The following SLC7A14 variants were observed in gnomAD, a reference collection of about 807,000 sequenced individuals.
The protein encoded by SLC7A14 is gamma-aminobutyric acid transporter SLC7A14.
Under a neutral mutation model 60.2 loss-of-function variants are expected in SLC7A14, and 37 were observed. The ratio of observed to expected loss-of-function variants is 0.61; its 90% confidence interval spans 0.47 to 0.81. The LOEUF (loss-of-function observed/expected upper bound fraction) is 0.81, where lower values mean the gene tolerates loss of function less well. SLC7A14 is among the 30% of genes least tolerant of loss of function. The probability of loss-of-function intolerance (pLI) is 0.00; values close to 1 mark genes in which losing one functional copy is unlikely to be tolerated. For synonymous variants in SLC7A14, 399 were observed against 395.8 expected (o/e 1.01, Z -0.10); for missense variants, 886 against 982.7 (o/e 0.90, Z 1.32).
chr3:170,561,473 G>A (rs1048808482), intron 1 of SLC7A14, among the ~76,000 whole-genome samples: 5 of 152,194 alleles, frequency 3.3e-5, no homozygotes, highest in African/African-American at 1.2e-4. Flanking sequence ...CTAATCTGTT[G>A]TGGACAAATT....
In SLC7A14 at chr3:170,562,547, G is replaced by T. The variant is rs140259599; in HGVS notation, c.-153+23364C>A. ...CTACAAATTGGGTTCAGTGTATACT[G>T]CTCAGGTGATGGGTGCACGAAAATC... On this transcript the variant is annotated intron_variant, in intron 1 of 7. Coordinates refer to ENST00000231706, the MANE Select transcript of SLC7A14 (RefSeq NM_020949.3). 8.2e-3 allele frequency among the ~76,000 whole-genome samples: 1,250 copies of T among 152,152 alleles called. 18 individuals carry two copies. The highest frequency in any genetic ancestry group is 0.028 in the African/African-American group (1,174 of 41,484).
At chr3:170,514,100 G>A (rs1560265575) in intron 2 of SLC7A14, among the ~76,000 whole-genome samples, 1 of 152,176 alleles carries the variant, frequency 6.6e-6, no homozygotes, top group Non-Finnish European at 1.5e-5. Context: ...TCCTTGCCAG[G>A]GCAAGTGTCA....
chr3:170,492,504 CA>C (rs894492243), intron 4 of SLC7A14, among the ~76,000 whole-genome samples: 2 of 151,368 alleles, frequency 1.3e-5, no homozygotes, highest in African/African-American at 4.9e-5. Context: ...GACTCTGCCT[CA>C]AAAAAAAGTA....
At chr3:170,549,445 C>A (rs1385054177) in intron 1 of SLC7A14, among the ~76,000 whole-genome samples, 1 of 152,084 alleles carries the variant, frequency 6.6e-6, no homozygotes, top group Non-Finnish European at 1.5e-5. Context: ...AATCTCCCGA[C>A]CTTGTGATTG....
intron 7 of SLC7A14, among the ~76,000 whole-genome samples, chr3:170,469,033 T>G (rs1281167538): frequency 6.6e-6 from 1 of 152,236 alleles, no homozygotes. Flanking sequence ...GATAATGAAC[T>G]GTGCCTGATG....
intron 1 of SLC7A14, among the ~76,000 whole-genome samples, chr3:170,547,662 C>T (rs375151303): frequency 7.9e-5 from 12 of 152,128 alleles, no homozygotes; most frequent in African/African-American, 2.6e-4. Context: ...GTCTTACTCT[C>T]TCAGGGGTAG....
At chr3:170,569,874 T>A (rs1342380436) in intron 1 of SLC7A14, among the ~76,000 whole-genome samples, 2 of 152,208 alleles carry the variant, frequency 1.3e-5, no homozygotes, top group Non-Finnish European at 2.9e-5. Context: ...TATCACTTTT[T>A]ATTGCATCTA....
chr3:170,486,199 T>C (rs1379686522), intron 5 of SLC7A14, 23 bp downstream of exon 5: 2 of 1,612,540 alleles, frequency 1.2e-6, no homozygotes, highest in Non-Finnish European at 8.5e-7. Context: ...GTGAGGAGGG[T>C]CCCGCAAGCA....
chr3:170,493,620 T>C (rs1217387756), intron 4 of SLC7A14, among the ~76,000 whole-genome samples: 1 of 152,196 alleles, frequency 6.6e-6, no homozygotes, highest in Non-Finnish European at 1.5e-5. Flanking sequence ...CTGTAGACGA[T>C]TTTTAGGTAA....
chr3:170,564,712 A>G (rs1347852767), intron 1 of SLC7A14, among the ~76,000 whole-genome samples: 1 of 152,228 alleles, frequency 6.6e-6, no homozygotes, highest in Non-Finnish European at 1.5e-5. Flanking sequence ...TGTCCACCTT[A>G]TAGGACTGTT....
At chr3:170,539,344 G>A (rs1318432967) in intron 1 of SLC7A14, among the ~76,000 whole-genome samples, 1 of 151,926 alleles carries the variant, frequency 6.6e-6, no homozygotes, top group African/African-American at 2.4e-5. Context: ...GCAGAGAGAG[G>A]TCCTCCTGGG....
At chr3:170,554,898 G>T (rs1171255084) in intron 1 of SLC7A14, among the ~76,000 whole-genome samples, 1 of 152,184 alleles carries the variant, frequency 6.6e-6, no homozygotes, top group Non-Finnish European at 1.5e-5. Flanking sequence ...GACGGGCGCG[G>T]TGGCTCACGC....
intron 4 of SLC7A14, among the ~76,000 whole-genome samples, chr3:170,487,026 G>A (rs148585700): frequency 6.7e-6 from 1 of 150,232 alleles, no homozygotes; most frequent in East Asian, 2.0e-4. Context: ...AAGATTTTCA[G>A]ATCTTCAGAC....
intron 7 of SLC7A14, 37 bp from the exon 8 acceptor site, chr3:170,467,414 A>T: frequency 8.3e-7 from 1 of 1,207,352 alleles, no homozygotes. Context: ...TGAATAAGCA[A>T]TTGCTTTGGG....
At chr3:170,548,514 C>T (rs1714242997) in intron 1 of SLC7A14, among the ~76,000 whole-genome samples, 1 of 152,218 alleles carries the variant, frequency 6.6e-6, no homozygotes, top group Non-Finnish European at 1.5e-5. Context: ...TGGGTCTTCA[C>T]AGTAGCTGCT....
intron 1 of SLC7A14, among the ~76,000 whole-genome samples, chr3:170,572,398 A>G (rs1714982799): frequency 6.6e-6 from 1 of 152,254 alleles, no homozygotes; most frequent in African/African-American, 2.4e-5. Flanking sequence ...GGATATTAAT[A>G]TCTACTTTAT....
chr3:170,496,660 A>G, intron 4 of SLC7A14: 1 of 1,268,866 alleles, frequency 7.9e-7, no homozygotes, highest in Non-Finnish European at 1.1e-6. Flanking sequence ...GCAGAACACG[A>G]GTATCCATAG....
intron 1 of SLC7A14, among the ~76,000 whole-genome samples, chr3:170,541,672 T>C (rs1283054195): frequency 6.6e-6 from 1 of 152,228 alleles, no homozygotes; most frequent in Non-Finnish European, 1.5e-5. Flanking sequence ...AAAAATATGA[T>C]TTAATTTTAT....
intron 3 of SLC7A14, 102 bp from the exon 4 acceptor site, chr3:170,498,986 C>A (rs1405168478): frequency 8.8e-7 from 1 of 1,135,886 alleles, no homozygotes; most frequent in Non-Finnish European, 1.3e-6. Flanking sequence ...TTAAGAAGGG[C>A]AGTAAACTGG....
Sources: allele counts gnomAD v4.1 joint callset (sites outside exome capture counted in the v4.1 genomes callset), GRCh38; gene constraint gnomAD v4.1.1; transcripts MANE v1.5; gene names NCBI Gene and HGNC (gene_info 2026-07-23, HGNC 2026-07-21).